The following NHEJ1 variants were observed in gnomAD, a reference collection of about 807,000 sequenced individuals.
NHEJ1 encodes non-homologous end joining factor 1.
NHEJ1 carries 22 observed loss-of-function variants against 39.4 expected under a neutral mutation model. The ratio of observed to expected loss-of-function variants is 0.56; its 90% CI spans 0.40 to 0.80. NHEJ1 has a LOEUF of 0.80. Among genes scored for constraint, NHEJ1 ranks in the 30% least tolerant of loss-of-function variants. NHEJ1 has a pLI of 0.00. For synonymous variants in NHEJ1, 154 were observed against 135.6 expected, an observed-to-expected ratio of 1.14 and a Z score of -0.94; for missense variants, 329 against 357.1, an observed-to-expected ratio of 0.92 and a Z score of 0.63.
chr2:219,119,113 C>T (rs142538506), intron 5 of NHEJ1, among the ~76,000 whole-genome samples: 77 of 152,298 alleles, frequency 5.1e-4, no homozygotes, highest in Non-Finnish European at 7.1e-4. Context: ...AGCCGATGTT[C>T]TCCATGCCTC....
At chr2:219,136,140 A>G (rs58853172) in intron 5 of NHEJ1, among the ~76,000 whole-genome samples, 2,929 of 152,272 alleles carry the variant, frequency 0.019, 98 homozygotes, top group African/African-American at 0.067. Context: ...ATTTTTTAGG[A>G]TAAGAGAATT....
At chr2:219,154,901 C>A (rs1447047179) in intron 3 of NHEJ1, among the ~76,000 whole-genome samples, 1 of 145,780 alleles carries the variant, frequency 6.9e-6, no homozygotes, top group Non-Finnish European at 1.5e-5. Flanking sequence ...TTATATTATA[C>A]CATTACATAT....
intron 3 of NHEJ1, among the ~76,000 whole-genome samples, chr2:219,154,122 G>C (rs184026417): frequency 1.2e-4 from 18 of 152,134 alleles, no homozygotes; most frequent in African/African-American, 4.3e-4. Flanking sequence ...AAACACAAAG[G>C]CAGGTCCTCT....
chr2:219,152,916 C>T (rs1168375239), intron 3 of NHEJ1, among the ~76,000 whole-genome samples: 1 of 151,992 alleles, frequency 6.6e-6, no homozygotes, highest in Admixed American at 6.6e-5. Context: ...AATTCTCTTA[C>T]CTCAGCCTCC....
intron 5 of NHEJ1, among the ~76,000 whole-genome samples, chr2:219,078,809 C>T (rs937617887): frequency 3.3e-5 from 5 of 152,054 alleles, no homozygotes; most frequent in Non-Finnish European, 5.9e-5. Flanking sequence ...GAGATTCCCC[C>T]AAGGGAGTGA....
chr2:219,119,561 C>A (rs182994959), intron 5 of NHEJ1, among the ~76,000 whole-genome samples: 22 of 152,154 alleles, frequency 1.4e-4, no homozygotes, highest in African/African-American at 5.3e-4. Flanking sequence ...ATCCCTCCCC[C>A]TCACAAACCT....
intron 3 of NHEJ1, among the ~76,000 whole-genome samples, chr2:219,153,194 G>T (rs193078395): frequency 9.6e-4 from 146 of 152,282 alleles, no homozygotes; most frequent in Non-Finnish European, 1.3e-3. Flanking sequence ...TATTACATAT[G>T]TTCTTTTATT....
At chr2:219,120,969 G>C (rs963650135) in intron 5 of NHEJ1, among the ~76,000 whole-genome samples, 1 of 152,136 alleles carries the variant, frequency 6.6e-6, no homozygotes, top group African/African-American at 2.4e-5. Flanking sequence ...GGCTGAGGTG[G>C]GTGGATCACT....
chr2:219,123,582 T>C (rs186606539), intron 5 of NHEJ1, among the ~76,000 whole-genome samples: 3 of 152,298 alleles, frequency 2.0e-5, no homozygotes, highest in East Asian at 1.9e-4. Context: ...GACAGAACTA[T>C]TAAAAGGAAA....
intron 7 of NHEJ1, among the ~76,000 whole-genome samples, chr2:219,076,668 A>G (rs1251708222): frequency 6.6e-6 from 1 of 150,476 alleles, no homozygotes; most frequent in Non-Finnish European, 1.5e-5. Context: ...CTCAGCCTCC[A>G]AAGTAGCTGA....
chr2:219,147,799 T>C lies in NHEJ1; in HGVS notation c.391-4A>G, dbSNP rs766853125. ...GACGAATCAAATGTTGGGAGACCTT[T>C]GAGGGAAGAGATATCAATTAGCCAA... On this transcript the variant is annotated splice_polypyrimidine_tract_variant and splice_region_variant and intron_variant, in intron 3 of 7. Coordinates refer to ENST00000356853, the MANE Select transcript of NHEJ1 (RefSeq NM_024782.3). 1.2e-5 allele frequency: 19 copies of C among 1,614,040 alleles called. No individual in the cohort carries two copies. In the Admixed American group the frequency reaches 3.2e-4, roughly 27 times the overall value.
chr2:219,073,372 G>A lies in NHEJ1; in HGVS notation c.*3009C>T, dbSNP rs1004115686. Among the ~76,000 whole-genome samples, 2 of 152,214 alleles carry A rather than the reference G, an allele frequency of 1.3e-5. No individual in the cohort carries two copies. Among genetic ancestry groups the A allele is most frequent in the African/African-American group, 4.8e-5 (2 of 41,456 alleles). Reference sequence around the variant, plus strand: ...CTGGCTGCCTGGTGACAAGAGAAGAGAATGACCCTAGTGATATCTTTTAGG... The same window carrying A: ...CTGGCTGCCTGGTGACAAGAGAAGAAAATGACCCTAGTGATATCTTTTAGG... On this transcript the variant is annotated 3_prime_UTR_variant, in exon 8 of 8. Transcript: ENST00000356853.
intron 5 of NHEJ1, among the ~76,000 whole-genome samples, chr2:219,085,945 A>G (rs75821285): frequency 0.035 from 5,385 of 152,266 alleles, 335 homozygotes; most frequent in African/African-American, 0.12. Flanking sequence ...CAGGTCCTAC[A>G]TATACTATTC....
intron 5 of NHEJ1, among the ~76,000 whole-genome samples, chr2:219,082,609 G>A (rs1251103094): frequency 6.6e-6 from 1 of 152,220 alleles, no homozygotes; most frequent in Non-Finnish European, 1.5e-5. Context: ...TGGACCCACA[G>A]TCTGAGGATA....
intron 5 of NHEJ1, among the ~76,000 whole-genome samples, chr2:219,078,434 G>A (rs1306796927): frequency 6.6e-6 from 1 of 152,112 alleles, no homozygotes; most frequent in Non-Finnish European, 1.5e-5. Context: ...CTAATCCTTA[G>A]GTCTATTATG....
At chr2:219,086,208 G>T (rs948395968) in intron 5 of NHEJ1, among the ~76,000 whole-genome samples, 15 of 152,140 alleles carry the variant, frequency 9.9e-5, no homozygotes, top group South Asian at 4.2e-4. Flanking sequence ...TTATTTTGGG[G>T]TTTTTTTCTT....
chr2:219,083,873 T>C (rs950724606), intron 5 of NHEJ1, among the ~76,000 whole-genome samples: 1 of 152,112 alleles, frequency 6.6e-6, no homozygotes, highest in Non-Finnish European at 1.5e-5. Context: ...GTTCCTGACT[T>C]AGGATTTTTC....
chr2:219,081,783 AGTTCT>A (rs1249631763), intron 5 of NHEJ1, among the ~76,000 whole-genome samples: 5 of 152,234 alleles, frequency 3.3e-5, no homozygotes, highest in Non-Finnish European at 7.3e-5. Context: ...TTGACACAAG[AGTTCT>A]GCAAAAAGCA....
intron 5 of NHEJ1, among the ~76,000 whole-genome samples, chr2:219,141,107 C>T (rs1025697161): frequency 6.6e-6 from 1 of 152,204 alleles, no homozygotes; most frequent in Non-Finnish European, 1.5e-5. Flanking sequence ...AGGCCAGGAA[C>T]AGTGGCTCAC....
Sources: allele counts gnomAD v4.1 joint callset (sites outside exome capture counted in the v4.1 genomes callset), GRCh38; gene constraint gnomAD v4.1.1; transcripts MANE v1.5; gene names NCBI Gene and HGNC (gene_info 2026-07-23, HGNC 2026-07-21).